The following ADGRB3 variants were observed in gnomAD, a reference collection of about 807,000 sequenced individuals.
ADGRB3 encodes brain-specific angiogenesis inhibitor 3.
ADGRB3 carries 37 observed loss-of-function variants against 193.4 expected under a neutral mutation model. That is an observed-to-expected ratio of 0.19 (90% confidence interval 0.15 to 0.25). The LOEUF (loss-of-function observed/expected upper bound fraction) is 0.25. Ranked by LOEUF, ADGRB3 falls within the 10% of genes least tolerant of loss-of-function variation. The probability of loss-of-function intolerance (pLI) is 1.00; values close to 1 mark genes in which losing one functional copy is unlikely to be tolerated. For missense variants in ADGRB3, 1,637 were observed against 1,852.9 expected (o/e 0.88, Z 2.14); for synonymous variants, 690 against 644.2 (o/e 1.07, Z -1.08).
At chr6:69,370,510 C>A (rs987664083) in intron 29 of ADGRB3, among the ~76,000 whole-genome samples, 2 of 151,984 alleles carry the variant, frequency 1.3e-5, no homozygotes, top group South Asian at 4.1e-4. Context: ...TCTGCTATGC[C>A]TTATGTTAGA....
At chr6:69,107,409 T>C (rs1773245400) in intron 17 of ADGRB3, among the ~76,000 whole-genome samples, 1 of 152,216 alleles carries the variant, frequency 6.6e-6, no homozygotes, top group African/African-American at 2.4e-5. Flanking sequence ...CAAATATTTA[T>C]TGAGTGCCTA....
intron 17 of ADGRB3, among the ~76,000 whole-genome samples, chr6:69,220,041 A>G (rs573950327): frequency 2.0e-5 from 3 of 152,058 alleles, no homozygotes; most frequent in East Asian, 3.9e-4. Flanking sequence ...AATTTTTCTC[A>G]TGACAGTTTT....
chr6:68,943,636 C>A (rs1256120978), intron 5 of ADGRB3, among the ~76,000 whole-genome samples, 194 bp from the exon 6 acceptor site: 2 of 152,024 alleles, frequency 1.3e-5, no homozygotes, highest in African/African-American at 4.8e-5. Flanking sequence ...AAAGCACATG[C>A]AATTTTTCAT....
At position 68,668,539 on chromosome 6, in the gene ADGRB3, A is replaced by G. The variant is rs1040834238; in HGVS notation, c.757+29107A>G. Among the ~76,000 whole-genome samples, 4 of 152,070 alleles carry G rather than the reference A, an allele frequency of 2.6e-5. No individual in the cohort carries two copies. The East Asian group carries it at 5.8e-4, about 22-fold the overall frequency. Reference sequence around the variant, plus strand: ...AATGAAGAAATATGTCAAAACTCATATTCATAGTTTTTTAGATATAGGAAA... The same window carrying G: ...AATGAAGAAATATGTCAAAACTCATGTTCATAGTTTTTTAGATATAGGAAA... On this transcript the variant is annotated intron_variant, in intron 3 of 31. Transcript: ENST00000370598.
chr6:68,784,049 A>G (rs73745870), intron 3 of ADGRB3, among the ~76,000 whole-genome samples: 4,012 of 152,206 alleles, frequency 0.026, 81 homozygotes, highest in African/African-American at 0.051. Context: ...CCCTTTATTC[A>G]TTTGGCTCAA....
chr6:69,153,608 A>G (rs1194537007), intron 17 of ADGRB3, among the ~76,000 whole-genome samples: 1 of 152,134 alleles, frequency 6.6e-6, no homozygotes, highest in Admixed American at 6.5e-5. Context: ...GCCATAAACA[A>G]ATGTGGGAAA....
intron 13 of ADGRB3, among the ~76,000 whole-genome samples, chr6:69,031,551 T>TTCTTTCTTTCTTTCTTTCTTTC (rs371280892): frequency 1.5e-3 from 21 of 13,920 alleles, no homozygotes; most frequent in South Asian, 8.2e-3. Context: ...CTTTCTTTCT[T>TTCTTTCTTTCTTTCTTTCTTTC]TTTCTTTCTT....
At chr6:69,043,090 A>G (rs1771117988) in intron 13 of ADGRB3, among the ~76,000 whole-genome samples, 1 of 152,016 alleles carries the variant, frequency 6.6e-6, no homozygotes, top group South Asian at 2.1e-4. Context: ...ACTGAATTTG[A>G]CATTCTTGAT....
chr6:68,932,844 GA>G (rs1192930268), intron 4 of ADGRB3, among the ~76,000 whole-genome samples: 4 of 129,148 alleles, frequency 3.1e-5, no homozygotes, highest in Admixed American at 7.8e-5. Flanking sequence ...TAATCATGGA[GA>G]AAAAAGCAAA....
At chr6:69,031,440 C>CA (rs540284027) in intron 13 of ADGRB3, among the ~76,000 whole-genome samples, 60,504 of 118,234 alleles carry the variant, frequency 0.51, 15,937 homozygotes, top group Non-Finnish European at 0.58. Flanking sequence ...GACTCCATCT[C>CA]AAAAAAAAAA....
At chr6:68,785,462 C>T (rs1272976610) in intron 3 of ADGRB3, among the ~76,000 whole-genome samples, 1 of 151,776 alleles carries the variant, frequency 6.6e-6, no homozygotes, top group African/African-American at 2.4e-5. Flanking sequence ...CAGCTTCATC[C>T]ATGTCCCTAC....
At chr6:69,346,401 T>C (rs1182577060) in intron 26 of ADGRB3, among the ~76,000 whole-genome samples, 1 of 152,032 alleles carries the variant, frequency 6.6e-6, no homozygotes, top group Admixed American at 6.6e-5. Flanking sequence ...TATAGACTAA[T>C]GGAACAGAAC....
chr6:69,253,682 T>C (rs1195481229), intron 20 of ADGRB3, among the ~76,000 whole-genome samples: 2 of 152,170 alleles, frequency 1.3e-5, no homozygotes, highest in African/African-American at 2.4e-5. Flanking sequence ...TTCCTTGCTC[T>C]TATTGTCTTT....
chr6:69,010,428 C>T (rs1388742801), intron 11 of ADGRB3, among the ~76,000 whole-genome samples: 5 of 151,810 alleles, frequency 3.3e-5, no homozygotes, highest in Non-Finnish European at 2.9e-5. Context: ...TGCCATAATG[C>T]GGCAATGAAT....
chr6:69,326,470 A>G (rs1359339060), intron 21 of ADGRB3, among the ~76,000 whole-genome samples: 1 of 152,176 alleles, frequency 6.6e-6, no homozygotes, highest in Non-Finnish European at 1.5e-5. Context: ...CTTGTTTAAA[A>G]TTATTACTAA....
chr6:69,155,787 G>C (rs1033944667), intron 17 of ADGRB3, among the ~76,000 whole-genome samples: 1 of 152,158 alleles, frequency 6.6e-6, no homozygotes, highest in Non-Finnish European at 1.5e-5. Flanking sequence ...AGAGAAGATA[G>C]TAGTTTGACA....
At chr6:69,090,672 AATAAAGATC>A (rs1383094006) in intron 17 of ADGRB3, among the ~76,000 whole-genome samples, 1 of 152,238 alleles carries the variant, frequency 6.6e-6, no homozygotes, top group Non-Finnish European at 1.5e-5. Context: ...CACAAAGTCA[AATAAAGATC>A]ATGGTTTTCA....
intron 3 of ADGRB3, among the ~76,000 whole-genome samples, chr6:68,866,850 C>A (rs951805553): frequency 6.6e-6 from 1 of 152,106 alleles, no homozygotes; most frequent in Non-Finnish European, 1.5e-5. Flanking sequence ...TTTAGAGTAT[C>A]GGGCAGGAGA....
At chr6:68,855,980 T>A (rs182605360) in intron 3 of ADGRB3, among the ~76,000 whole-genome samples, 427 of 152,262 alleles carry the variant, frequency 2.8e-3, no homozygotes, top group Non-Finnish European at 4.9e-3. Flanking sequence ...TGGGGGTGGG[T>A]CTTTCCCATG....
Sources: allele counts gnomAD v4.1 joint callset (sites outside exome capture counted in the v4.1 genomes callset), GRCh38; gene constraint gnomAD v4.1.1; transcripts MANE v1.5; gene names NCBI Gene and HGNC (gene_info 2026-07-23, HGNC 2026-07-21).